The following MS4A18 variants were observed in gnomAD, a reference collection of about 807,000 sequenced individuals.
The protein encoded by MS4A18 is membrane spanning 4-domains A18.
MS4A18 carries 27 observed loss-of-function variants against 13.1 expected under a neutral mutation model. That is an observed-to-expected ratio of 2.06 (90% CI 1.52 to 2.84). The LOEUF is 2.84. Ranked by LOEUF, MS4A18 falls within the 30% of genes most tolerant of loss-of-function variation. MS4A18 has a pLI of 0.00. For synonymous variants in MS4A18, 126 were observed against 76.5 expected (o/e 1.65, Z -3.38); for missense variants, 307 against 196.4 (o/e 1.56, Z -3.37).
At chr11:60,731,706 G>A (rs1161681739) in intron 1 of MS4A18, among the ~76,000 whole-genome samples, 1 of 152,160 alleles carries the variant, frequency 6.6e-6, no homozygotes, top group Admixed American at 6.5e-5. Flanking sequence ...TCTACGCATG[G>A]TGTTAACATT....
Position 60,735,180 on chromosome 11 carries a change from GTAAAT to G in MS4A18, c.591+1543_591+1547del, listed in dbSNP as rs1464920403. Among the ~76,000 whole-genome samples the G allele has an allele frequency of 5.9e-5, 9 of 152,288 alleles. No individual in the cohort carries two copies. The South Asian group carries it at 1.2e-3, about 21-fold the overall frequency. On this transcript the variant is annotated intron_variant, in intron 2 of 5. Coordinates refer to ENST00000529108, the Ensembl canonical transcript of MS4A18. ...GTGTATTTTACCACGATTAAAAATA[GTAAAT>G]TAAATTAAAGTTTTAAAAAATGAAC...
chr11:60,737,986 A>G (rs746396098), intron 3 of MS4A18, among the ~76,000 whole-genome samples: 1 of 152,196 alleles, frequency 6.6e-6, no homozygotes, highest in Non-Finnish European at 1.5e-5. Flanking sequence ...GGGAAGTTCC[A>G]TATCCCCTGG....
chr11:60,741,409 G>A (rs573467130), intron 5 of MS4A18, among the ~76,000 whole-genome samples: 1 of 152,240 alleles, frequency 6.6e-6, no homozygotes, highest in South Asian at 2.1e-4. Context: ...GCTTGGGGAT[G>A]GTTGGTCTCC....
rs750063662 is a variant in MS4A18, at chr11:60,737,081, ACT to A, written c.648+52_648+53del. On this transcript the variant is annotated intron_variant, in intron 3 of 5. Transcript: ENST00000529108. ...GATGATCCTTGAATGTTAGAATTTG[ACT>A]CTCTACCAAACATGAAAAAAGGAGA... The A allele has an allele frequency of 2.1e-4, 145 of 694,720 alleles. No homozygotes were observed. In the African/African-American group the frequency reaches 2.4e-3, roughly 11 times the overall value. The allele number at this position is 694,720 out of a possible 1,614,324, so 43.0% of individuals were successfully genotyped here.
exon 1 of MS4A18, chr11:60,729,589 C>A: frequency 1.4e-6 from 1 of 702,784 alleles, no homozygotes; most frequent in Non-Finnish European, 2.6e-6. Context: ...AGCCAGTTTG[C>A]AGACGGTGCC....
chr11:60,737,056 G>C, intron 3 of MS4A18, 22 bp downstream of exon 4: 2 of 700,776 alleles, frequency 2.9e-6, no homozygotes, highest in South Asian at 3.0e-5. Flanking sequence ...TGCTGTCTTT[G>C]ATGATCCTTG....
At chr11:60,736,500 GGACCACAGCAGATGAGGC>G (rs1159500088) in intron 2 of MS4A18, among the ~76,000 whole-genome samples, 1 of 152,158 alleles carries the variant, frequency 6.6e-6, no homozygotes, top group Non-Finnish European at 1.5e-5. Flanking sequence ...GCTGGGTCCA[GGACCACAGCAGATGAGGC>G]CACAGCCCAG....
At chr11:60,740,665 C>G (rs1565062020) in intron 4 of MS4A18, among the ~76,000 whole-genome samples, 1 of 152,154 alleles carries the variant, frequency 6.6e-6, no homozygotes, top group Non-Finnish European at 1.5e-5. Flanking sequence ...CAAACACCAA[C>G]TTAAGGGGTA....
chr11:60,728,744 T>C (rs1853204955), upstream of MS4A18, among the ~76,000 whole-genome samples: 1 of 151,880 alleles, frequency 6.6e-6, no homozygotes, highest in Admixed American at 6.6e-5. Context: ...CCTCTTCTTT[T>C]ATCTCTCCCT....
intron 2 of MS4A18, among the ~76,000 whole-genome samples, chr11:60,735,427 G>A (rs1853321047): frequency 6.7e-6 from 1 of 149,358 alleles, no homozygotes; most frequent in Non-Finnish European, 1.5e-5. Flanking sequence ...TCCGCCTCCC[G>A]GGTTCACGCC....
At chr11:60,735,287 C>A (rs1045215956) in intron 2 of MS4A18, among the ~76,000 whole-genome samples, 1 of 152,032 alleles carries the variant, frequency 6.6e-6, no homozygotes, top group East Asian at 1.9e-4. Flanking sequence ...CTATAAGTAT[C>A]CCCTCTATGC....
At chr11:60,734,275 A>T (rs1032903013) in intron 2 of MS4A18, among the ~76,000 whole-genome samples, 6 of 152,086 alleles carry the variant, frequency 3.9e-5, no homozygotes, top group African/African-American at 1.4e-4. Flanking sequence ...AAAAAGAAAT[A>T]TCTCATATGT....
At chr11:60,732,176 G>A (rs1320624779) in intron 1 of MS4A18, among the ~76,000 whole-genome samples, 1 of 152,112 alleles carries the variant, frequency 6.6e-6, no homozygotes, top group Admixed American at 6.5e-5. Flanking sequence ...CCTGGACGGG[G>A]GCTCAGGAAA....
chr11:60,739,992 C>T (rs1384451614), intron 4 of MS4A18, among the ~76,000 whole-genome samples: 9 of 152,288 alleles, frequency 5.9e-5, no homozygotes, highest in African/African-American at 1.9e-4. Context: ...TCCCTGAAGG[C>T]CCCAGGAAGA....
At chr11:60,727,353 A>G (rs1297604076), upstream of MS4A18, among the ~76,000 whole-genome samples, 21 of 152,200 alleles carry the variant, frequency 1.4e-4, no homozygotes, top group Admixed American at 1.4e-3. Flanking sequence ...TAGATAAGAA[A>G]CTGACAGCGT....
intron 5 of MS4A18, among the ~76,000 whole-genome samples, chr11:60,742,743 T>C (rs773035010): frequency 6.6e-6 from 1 of 152,250 alleles, no homozygotes; most frequent in Non-Finnish European, 1.5e-5. Flanking sequence ...CATTAAGTCC[T>C]GGGCTCTCTT....
chr11:60,738,667 T>C (rs1005922247), intron 3 of MS4A18, among the ~76,000 whole-genome samples: 4 of 151,970 alleles, frequency 2.6e-5, no homozygotes, highest in Admixed American at 2.6e-4. Flanking sequence ...ATGCCACAAG[T>C]TGACCCATGA....
At chr11:60,732,730 C>CAAAAA (rs200295786) in intron 1 of MS4A18, among the ~76,000 whole-genome samples, 8 of 70,984 alleles carry the variant, frequency 1.1e-4, no homozygotes, top group Non-Finnish European at 2.3e-4. Context: ...GACTCCGTCT[C>CAAAAA]AAAAAAAAAA....
chr11:60,738,652 C>A (rs1403286708), intron 3 of MS4A18, among the ~76,000 whole-genome samples: 2 of 152,024 alleles, frequency 1.3e-5, no homozygotes, highest in Non-Finnish European at 2.9e-5. Flanking sequence ...CTACAACAAA[C>A]CCCCATGCCA....
Sources: allele counts gnomAD v4.1 joint callset (sites outside exome capture counted in the v4.1 genomes callset), GRCh38; gene constraint gnomAD v4.1.1; transcripts MANE v1.5; gene names NCBI Gene and HGNC (gene_info 2026-07-23, HGNC 2026-07-21).